NRXN1: variants seen among roughly 807,000 people sequenced by gnomAD.
The protein encoded by NRXN1 is neurexin 1.
Under a neutral mutation model 150.9 loss-of-function variants are expected in NRXN1, and 39 were observed. That is an observed-to-expected ratio of 0.26 (90% CI 0.20 to 0.34). The LOEUF (loss-of-function observed/expected upper bound fraction) is 0.34. Among genes scored for constraint, NRXN1 ranks in the 10% least tolerant of loss-of-function variants. The probability of loss-of-function intolerance (pLI) is 1.00; values close to 1 mark genes in which losing one functional copy is unlikely to be tolerated. For synonymous variants in NRXN1, 924 were observed against 757.0 expected (o/e 1.22, Z -3.62); for missense variants, 1,815 against 1,949.9 (o/e 0.93, Z 1.30).
intron 5 of NRXN1, among the ~76,000 whole-genome samples, chr2:50,906,609 C>T (rs1683711391): frequency 6.6e-6 from 1 of 152,016 alleles, no homozygotes; most frequent in Admixed American, 6.6e-5. Context: ...TTGAAACAAC[C>T]AATCTGATCC....
intron 21 of NRXN1, among the ~76,000 whole-genome samples, chr2:49,994,330 TTCTC>T (rs1408359769): frequency 6.6e-6 from 1 of 152,186 alleles, no homozygotes; most frequent in Non-Finnish European, 1.5e-5. Context: ...GCCTCTTTCT[TTCTC>T]TATTGGTATG....
At chr2:50,729,599 T>C (rs909419117) in intron 5 of NRXN1, among the ~76,000 whole-genome samples, 6 of 152,174 alleles carry the variant, frequency 3.9e-5, no homozygotes, top group Non-Finnish European at 5.9e-5. Flanking sequence ...TGAAAAATAA[T>C]GAATCAGTGC....
chr2:49,956,248 A>G (rs1225584920), intron 21 of NRXN1, among the ~76,000 whole-genome samples: 1 of 152,166 alleles, frequency 6.6e-6, no homozygotes, highest in East Asian at 1.9e-4. Flanking sequence ...AAACAAAAGT[A>G]CCTTAGAGTT....
chr2:50,008,285 G>C (rs1026629466), intron 21 of NRXN1, among the ~76,000 whole-genome samples: 4 of 152,080 alleles, frequency 2.6e-5, no homozygotes, highest in Non-Finnish European at 5.9e-5. Context: ...CAGAACACTA[G>C]AGAACTGGGT....
intron 21 of NRXN1, among the ~76,000 whole-genome samples, chr2:50,035,960 G>C (rs1689967507): frequency 6.6e-6 from 1 of 152,122 alleles, no homozygotes; most frequent in Admixed American, 6.6e-5. Flanking sequence ...CCTGCTGTCA[G>C]CTAAACAAAT....
chr2:50,419,822 A>T (rs368703972), intron 17 of NRXN1, among the ~76,000 whole-genome samples: 26 of 152,052 alleles, frequency 1.7e-4, no homozygotes, highest in African/African-American at 6.3e-4. Flanking sequence ...ATGGTTAGTG[A>T]ATTTTACACT....
intron 16 of NRXN1, among the ~76,000 whole-genome samples, chr2:50,466,745 A>G (rs915638714): frequency 1.3e-5 from 2 of 151,812 alleles, no homozygotes; most frequent in Non-Finnish European, 2.9e-5. Flanking sequence ...AATGACATGT[A>G]ATGAAGGAAA....
At chr2:50,197,323 G>T (rs1387120424) in intron 18 of NRXN1, among the ~76,000 whole-genome samples, 9 of 152,086 alleles carry the variant, frequency 5.9e-5, no homozygotes, top group Admixed American at 5.9e-4. Context: ...ATTCTTACAT[G>T]CCATTAGCAT....
At position 50,347,472 on chromosome 2, in the gene NRXN1, C is replaced by G. The variant is rs1195873964; in HGVS notation, c.3365-110502G>C. On this transcript the variant is annotated intron_variant, in intron 17 of 22. Coordinates refer to ENST00000401669, the MANE Select transcript of NRXN1 (RefSeq NM_001330078.2). This position sits in a 1 kb window ranked among gnomAD's most constrained non-coding sequence, Gnocchi z 4.9. ...CCTCCTTTCAAGACAGAAGCAGACC[C>G]CATGGAATCCAGGCGCCCCTTCCCT... The G allele has an allele frequency of 1.9e-6, 2 of 1,078,382 alleles. No individual in the cohort carries two copies. Among genetic ancestry groups the G allele is most frequent in the African/African-American group, 3.5e-5 (2 of 57,862 alleles). 66.8% of individuals were successfully genotyped at this position (1,078,382 alleles called of 1,614,324 possible).
intron 13 of NRXN1, among the ~76,000 whole-genome samples, chr2:50,503,118 G>A (rs919807666): frequency 2.0e-5 from 3 of 151,972 alleles, no homozygotes; most frequent in Admixed American, 6.6e-5. Flanking sequence ...GACAAGCCTG[G>A]CCAACATGGT....
At chr2:50,680,603 G>C (rs189745139) in intron 5 of NRXN1, among the ~76,000 whole-genome samples, 5 of 152,136 alleles carry the variant, frequency 3.3e-5, no homozygotes, top group Admixed American at 3.3e-4. Context: ...AAATTTTTTA[G>C]ATTGATAACC....
chr2:50,906,868 C>T lies in NRXN1; in HGVS notation c.832+15001G>A, dbSNP rs140317187. ...CATGTGGATTACATGTGTTGCGGCT[C>T]AGAACATACCCCAAAGTATGGCACC... On this transcript the variant is annotated intron_variant, in intron 5 of 22. Transcript: ENST00000401669. Among the ~76,000 whole-genome samples the T allele has an allele frequency of 1.8e-3, 273 of 152,096 alleles. 3 individuals carry two copies. Among genetic ancestry groups the T allele is most frequent in the African/African-American group, 6.2e-3 (257 of 41,514 alleles).
rs187652799 is a variant in NRXN1, at chr2:50,582,071, G to A, written c.1321-29046C>T. Among the ~76,000 whole-genome samples the A allele has an allele frequency of 1.9e-3, 292 of 152,066 alleles. 2 individuals are homozygous for A. Among genetic ancestry groups the A allele is most frequent in the African/African-American group, 2.9e-3 (122 of 41,496 alleles). On this transcript the variant is annotated intron_variant, in intron 8 of 22. Coordinates refer to ENST00000401669, the MANE Select transcript of NRXN1 (RefSeq NM_001330078.2). Reference sequence around the variant, plus strand: ...TTGAGAACATACAAGCCCCCTGTTCGCACCAATTTAGTTTTGTTAATAACC... The same window carrying A: ...TTGAGAACATACAAGCCCCCTGTTCACACCAATTTAGTTTTGTTAATAACC...
intron 2 of NRXN1, among the ~76,000 whole-genome samples, chr2:51,016,807 A>G (rs1383852192): frequency 2.6e-5 from 4 of 152,164 alleles, no homozygotes; most frequent in African/African-American, 9.7e-5. Context: ...ATGCACATAT[A>G]TGTTTATTGC....
chr2:50,802,302 G>C (rs1391724895), intron 5 of NRXN1, among the ~76,000 whole-genome samples: 1 of 152,082 alleles, frequency 6.6e-6, no homozygotes, highest in Non-Finnish European at 1.5e-5. Flanking sequence ...GATCAGCCTA[G>C]CAAATACGGT....
intron 5 of NRXN1, chr2:50,631,376 T>C (rs1279874838): frequency 4.3e-6 from 1 of 233,876 alleles, no homozygotes; most frequent in Non-Finnish European, 8.4e-6. Flanking sequence ...AGTCACTAAA[T>C]ATGAAAGGTA....
intron 5 of NRXN1, among the ~76,000 whole-genome samples, chr2:50,641,576 A>G (rs1032704094): frequency 6.6e-6 from 1 of 151,926 alleles, no homozygotes; most frequent in African/African-American, 2.4e-5. Context: ...TACAAAATGG[A>G]AAGTTTTATT....
At chr2:50,633,742 T>C (rs193045094) in intron 5 of NRXN1, among the ~76,000 whole-genome samples, 103 of 152,216 alleles carry the variant, frequency 6.8e-4, no homozygotes, top group Non-Finnish European at 1.2e-3. Context: ...AAATCCCCTA[T>C]TCTAGATATT....
chr2:50,160,338 C>T lies in NRXN1; in HGVS notation c.3547-68844G>A, dbSNP rs112515301. Among the ~76,000 whole-genome samples, 18 of 151,992 alleles carry T rather than the reference C, an allele frequency of 1.2e-4. 1 individual carries two copies. Among genetic ancestry groups the T allele is most frequent in the African/African-American group, 4.1e-4 (17 of 41,468 alleles). On this transcript the variant is annotated intron_variant, in intron 18 of 22. Coordinates refer to ENST00000401669, the MANE Select transcript of NRXN1 (RefSeq NM_001330078.2). ...GGCAGATCACCTTAGGTCAGGAGTTCGAAACCAGCCTGACCAACATGGTGA... is the reference window on the plus strand; with the variant it reads ...GGCAGATCACCTTAGGTCAGGAGTTTGAAACCAGCCTGACCAACATGGTGA...
Sources: allele counts gnomAD v4.1 joint callset (sites outside exome capture counted in the v4.1 genomes callset), GRCh38; gene constraint gnomAD v4.1.1; non-coding constraint Gnocchi (gnomAD v3.1); transcripts MANE v1.5; gene names NCBI Gene and HGNC (gene_info 2026-07-23, HGNC 2026-07-21).